The following CNTNAP2 variants were observed in gnomAD, a reference collection of about 807,000 sequenced individuals.
CNTNAP2 encodes the protein contactin-associated protein-like 2.
In CNTNAP2, 98 loss-of-function variants were observed where a neutral mutation model predicts 155.2. The ratio of observed to expected loss-of-function variants is 0.63; its 90% CI spans 0.54 to 0.75. The LOEUF (loss-of-function observed/expected upper bound fraction) is 0.75. Ranked by LOEUF, CNTNAP2 falls within the 30% of genes least tolerant of loss-of-function variation. The pLI is 0.00. For synonymous variants in CNTNAP2, 651 were observed against 631.2 expected, an observed-to-expected ratio of 1.03 and a Z score of -0.47; for missense variants, 1,727 against 1,688.1, an observed-to-expected ratio of 1.02 and a Z score of -0.40.
intron 1 of CNTNAP2, among the ~76,000 whole-genome samples, chr7:146,720,993 A>T (rs1181444950): frequency 8.2e-6 from 1 of 121,460 alleles, no homozygotes; most frequent in Non-Finnish European, 1.6e-5. Flanking sequence ...TATACTGTAT[A>T]TATATAGTCT....
chr7:146,542,251 G>T (rs558234610), intron 1 of CNTNAP2, among the ~76,000 whole-genome samples: 9 of 151,940 alleles, frequency 5.9e-5, no homozygotes, highest in African/African-American at 2.2e-4. Flanking sequence ...CTGGCTGGCA[G>T]CTAGGCTATA....
rs1798246722 is a variant in CNTNAP2, at chr7:147,815,311, A to T, written c.2099-88254A>T. Reference sequence around the variant, plus strand: ...GTGTTAGGAAGATGATGTCAAGATGATTAACAGCTGGGCTGTGGAAAGAAT... The same window carrying T: ...GTGTTAGGAAGATGATGTCAAGATGTTTAACAGCTGGGCTGTGGAAAGAAT... On this transcript the variant is annotated intron_variant, in intron 13 of 23. Transcript: ENST00000361727. Among the ~76,000 whole-genome samples, 5 of 152,110 alleles carry T rather than the reference A, an allele frequency of 3.3e-5. 1 individual carries two copies. In the South Asian group the frequency reaches 1.0e-3, roughly 32 times the overall value.
At position 146,135,682 on chromosome 7, in the gene CNTNAP2, A is replaced by T. The variant is rs117622761; in HGVS notation, c.97+18709A>T. 1.5e-3 allele frequency among the ~76,000 whole-genome samples: 233 copies of T among 152,282 alleles called. 4 individuals are homozygous for T. The East Asian group carries it at 0.021, about 14-fold the overall frequency. ...TATTGACAATATTTTTACCTACCTT[A>T]GTAAAACTGAATCTTAGAAAGTGAG... On this transcript the variant is annotated intron_variant, in intron 1 of 23. Coordinates refer to ENST00000361727, the MANE Select transcript of CNTNAP2 (RefSeq NM_014141.6).
At chr7:147,501,461 A>T (rs988850447) in intron 11 of CNTNAP2, among the ~76,000 whole-genome samples, 1 of 152,194 alleles carries the variant, frequency 6.6e-6, no homozygotes, top group Non-Finnish European at 1.5e-5. Flanking sequence ...TGCAGATGAC[A>T]TGCTCTTATA....
chr7:147,493,869 G>T (rs1440387336), intron 11 of CNTNAP2, among the ~76,000 whole-genome samples: 1 of 151,950 alleles, frequency 6.6e-6, no homozygotes, highest in Non-Finnish European at 1.5e-5. Flanking sequence ...TTTATTTCTG[G>T]GTTTGTTTTT....
At chr7:146,787,883 C>A (rs1802603935) in intron 2 of CNTNAP2, among the ~76,000 whole-genome samples, 1 of 152,152 alleles carries the variant, frequency 6.6e-6, no homozygotes, top group Non-Finnish European at 1.5e-5. Flanking sequence ...ATTTACAAAC[C>A]TTTAGCTAGA....
chr7:148,152,743 G>A (rs1353112103), intron 17 of CNTNAP2, among the ~76,000 whole-genome samples: 1 of 152,148 alleles, frequency 6.6e-6, no homozygotes, highest in Non-Finnish European at 1.5e-5. Flanking sequence ...AACTCTAGCT[G>A]GGCACGGCGG....
chr7:146,617,595 T>A (rs923321817), intron 1 of CNTNAP2, among the ~76,000 whole-genome samples: 4 of 152,212 alleles, frequency 2.6e-5, no homozygotes, highest in African/African-American at 9.6e-5. Flanking sequence ...TAATGGTTTA[T>A]CTAGCCATGA....
At chr7:147,959,884 G>A (rs556348891) in intron 14 of CNTNAP2, among the ~76,000 whole-genome samples, 84 of 152,224 alleles carry the variant, frequency 5.5e-4, no homozygotes, top group African/African-American at 1.9e-3. Flanking sequence ...AGTGAAGAAA[G>A]TCACTTAATT....
At chr7:147,413,463 T>C (rs1437381902) in intron 10 of CNTNAP2, among the ~76,000 whole-genome samples, 1 of 152,124 alleles carries the variant, frequency 6.6e-6, no homozygotes, top group Non-Finnish European at 1.5e-5. Context: ...ATTTACATGG[T>C]AAACATCTGT....
intron 10 of CNTNAP2, among the ~76,000 whole-genome samples, chr7:147,448,780 G>A (rs142774327): frequency 6.6e-5 from 10 of 152,112 alleles, no homozygotes; most frequent in Admixed American, 6.6e-4. Context: ...TAAAAATAAA[G>A]TTAAATTGCT....
At chr7:146,649,874 AAAG>A (rs1799877790) in intron 1 of CNTNAP2, among the ~76,000 whole-genome samples, 1 of 152,192 alleles carries the variant, frequency 6.6e-6, no homozygotes, top group Non-Finnish European at 1.5e-5. Context: ...ACACTTCTCA[AAAG>A]AAGACGTTTA....
chr7:147,941,455 A>C (rs1323564202), intron 14 of CNTNAP2, among the ~76,000 whole-genome samples: 1 of 152,160 alleles, frequency 6.6e-6, no homozygotes, highest in Non-Finnish European at 1.5e-5. Context: ...TAACACACAC[A>C]CCAACTTCTA....
chr7:146,153,928 G>T (rs779744726), intron 1 of CNTNAP2, among the ~76,000 whole-genome samples: 1 of 152,014 alleles, frequency 6.6e-6, no homozygotes, highest in Non-Finnish European at 1.5e-5. Context: ...GATCTGCTCT[G>T]CCTCTTCAAT....
chr7:148,179,311 C>A (rs1204700793), intron 18 of CNTNAP2, among the ~76,000 whole-genome samples: 1 of 152,080 alleles, frequency 6.6e-6, no homozygotes, highest in Non-Finnish European at 1.5e-5. Flanking sequence ...GAGTTCAAGA[C>A]CAGCCTGGGC....
chr7:147,738,718 A>T (rs111604252), intron 13 of CNTNAP2, among the ~76,000 whole-genome samples: 1 of 147,194 alleles, frequency 6.8e-6, no homozygotes, highest in African/African-American at 2.5e-5. Context: ...GCAGTGGTGC[A>T]ATCTTGGGTC....
chr7:147,552,605 C>CAG (rs1171881516), intron 11 of CNTNAP2, among the ~76,000 whole-genome samples: 12 of 143,714 alleles, frequency 8.3e-5, no homozygotes, highest in African/African-American at 2.7e-4. Context: ...CACACACACA[C>CAG]ACAGAGATAT....
chr7:146,336,157 C>G (rs1801270698), intron 1 of CNTNAP2, among the ~76,000 whole-genome samples: 1 of 151,136 alleles, frequency 6.6e-6, no homozygotes, highest in Admixed American at 6.6e-5. Context: ...CGAGATCACA[C>G]CATTGCACTC....
chr7:146,823,705 C>T (rs536751586), intron 2 of CNTNAP2, among the ~76,000 whole-genome samples: 1 of 151,318 alleles, frequency 6.6e-6, no homozygotes, highest in Non-Finnish European at 1.5e-5. Context: ...TGAGTATACT[C>T]ATTCTTCAGT....
Sources: gnomAD v4.1 joint callset for allele counts (sites outside exome capture counted in the v4.1 genomes callset) on GRCh38, gnomAD v4.1.1 for gene constraint, MANE v1.5 for transcripts, NCBI Gene and HGNC (gene_info 2026-07-23, HGNC 2026-07-21) for gene names.